Variants in CTNNA3 observed in about 807,000 individuals in gnomAD.
CTNNA3 encodes the protein catenin alpha 3.
CTNNA3 carries 76 observed loss-of-function variants against 95.7 expected under a neutral mutation model. The observed-to-expected ratio is 0.79, with a 90% confidence interval of 0.66 to 0.96. The LOEUF (loss-of-function observed/expected upper bound fraction) is 0.96. Among genes scored for constraint, CTNNA3 ranks in the 40% least tolerant of loss-of-function variants. The pLI is 0.00. For synonymous variants in CTNNA3, 431 were observed against 374.4 expected (o/e 1.15, Z -1.74); for missense variants, 1,191 against 1,089.8 (o/e 1.09, Z -1.31).
Position 66,558,628 on chromosome 10 carries a change from G to A in CTNNA3, c.1375-37855C>T, listed in dbSNP as rs141408660. Among the ~76,000 whole-genome samples, 83 of 152,198 alleles carry A rather than the reference G, an allele frequency of 5.5e-4. 1 individual carries two copies. The South Asian group carries it at 0.011, about 21-fold the overall frequency. ...ATTATTTTTCACACCTTGTGGGTGT[G>A]CACAAGTATGTTTGTGTGTACTGAT... On this transcript the variant is annotated intron_variant, in intron 10 of 17. Coordinates refer to ENST00000433211, the MANE Select transcript of CTNNA3 (RefSeq NM_013266.4).
chr10:66,064,158 G>C (rs553012271), intron 15 of CTNNA3, among the ~76,000 whole-genome samples: 21 of 152,246 alleles, frequency 1.4e-4, no homozygotes, highest in Middle Eastern at 3.4e-3. Flanking sequence ...GCGCAGGAAA[G>C]AAAAGTGCCA....
Position 67,182,155 on chromosome 10 carries a change from A to G in CTNNA3, c.844-1635T>C, listed in dbSNP as rs577356609. Among the ~76,000 whole-genome samples, 1,286 of 152,306 alleles carry G rather than the reference A, an allele frequency of 8.4e-3. 24 individuals are homozygous for G. Among genetic ancestry groups the G allele is most frequent in the African/African-American group, 0.029 (1,211 of 41,568 alleles). ...GATTCAATGCCATCCCCATCAAGCT[A>G]CCAATGACTTTCTTCACAGAATTGG... On this transcript the variant is annotated intron_variant, in intron 6 of 17. Coordinates refer to ENST00000433211, the MANE Select transcript of CTNNA3 (RefSeq NM_013266.4).
At chr10:66,699,972 T>C (rs1053212725) in intron 9 of CTNNA3, among the ~76,000 whole-genome samples, 2 of 152,168 alleles carry the variant, frequency 1.3e-5, no homozygotes, top group Non-Finnish European at 2.9e-5. Flanking sequence ...TGGTCATTTT[T>C]TTTAAATCAA....
At chr10:66,714,794 A>G (rs1259102080) in intron 9 of CTNNA3, among the ~76,000 whole-genome samples, 1 of 152,136 alleles carries the variant, frequency 6.6e-6, no homozygotes, top group Non-Finnish European at 1.5e-5. Flanking sequence ...TTGAAAACCA[A>G]GGTTCTAAAG....
chr10:66,634,036 T>C lies in CTNNA3; in HGVS notation c.1282-12252A>G, dbSNP rs1404493769. Among the ~76,000 whole-genome samples the C allele has an allele frequency of 2.0e-5, 3 of 152,172 alleles. No homozygotes were observed. The South Asian group carries it at 6.2e-4, about 32-fold the overall frequency. ...TGTGTATGCATATGGAAATGTGATATCCAAAATGATCCTCCCCAAAATGGC... is the reference window on the plus strand; with the variant it reads ...TGTGTATGCATATGGAAATGTGATACCCAAAATGATCCTCCCCAAAATGGC... On this transcript the variant is annotated intron_variant, in intron 9 of 17. Transcript: ENST00000433211.
chr10:67,703,656 CA>C (rs1256171727), intron 1 of CTNNA3, among the ~76,000 whole-genome samples: 1 of 152,156 alleles, frequency 6.6e-6, no homozygotes, highest in African/African-American at 2.4e-5. Flanking sequence ...ATGACAGACC[CA>C]CAGCCAATAT....
At chr10:66,450,730 C>T (rs187955446) in intron 11 of CTNNA3, among the ~76,000 whole-genome samples, 1 of 152,186 alleles carries the variant, frequency 6.6e-6, no homozygotes, top group East Asian at 1.9e-4. Context: ...ATTTAAAATG[C>T]TGCCTCATTT....
intron 5 of CTNNA3, among the ~76,000 whole-genome samples, chr10:67,519,370 G>C (rs1283151026): frequency 1.3e-5 from 2 of 152,086 alleles, no homozygotes; most frequent in Non-Finnish European, 2.9e-5. Context: ...TTTTCTGTTT[G>C]TTTTAAAAAA....
intron 15 of CTNNA3, among the ~76,000 whole-genome samples, chr10:66,049,874 C>T (rs1289554835): frequency 2.6e-5 from 4 of 151,978 alleles, no homozygotes; most frequent in African/African-American, 4.8e-5. Context: ...TGAAATAATA[C>T]GTACAACAAA....
intron 13 of CTNNA3, among the ~76,000 whole-genome samples, chr10:66,135,803 T>C (rs2083314225): frequency 6.6e-6 from 1 of 152,224 alleles, no homozygotes; most frequent in East Asian, 1.9e-4. Flanking sequence ...ACTGGTGTTC[T>C]GCTAAATGTT....
chr10:67,516,254 C>G (rs1466911924), intron 5 of CTNNA3, among the ~76,000 whole-genome samples: 1 of 152,132 alleles, frequency 6.6e-6, no homozygotes, highest in Non-Finnish European at 1.5e-5. Context: ...GAAAGTTAGT[C>G]CCTACCTTAT....
In CTNNA3 at chr10:67,263,274, A is replaced by T. The variant is rs1185943345; in HGVS notation, c.580-43404T>A. On this transcript the variant is annotated intron_variant, in intron 5 of 17. Coordinates refer to ENST00000433211, the MANE Select transcript of CTNNA3 (RefSeq NM_013266.4). ...TTTATAACCTGATTGAATTGCAGTG[A>T]TTTCAGACCTAGTACTATTGTGATC... Among the ~76,000 whole-genome samples the T allele has an allele frequency of 2.6e-5, 4 of 152,184 alleles. No homozygotes were observed. The East Asian group carries it at 7.7e-4, about 29-fold the overall frequency.
At chr10:66,291,109 C>T (rs2091673956) in intron 12 of CTNNA3, among the ~76,000 whole-genome samples, 1 of 152,094 alleles carries the variant, frequency 6.6e-6, no homozygotes, top group South Asian at 2.1e-4. Context: ...TAGTGATTTA[C>T]ACGTGTGAAA....
intron 7 of CTNNA3, among the ~76,000 whole-genome samples, chr10:66,951,493 G>A (rs372236281): frequency 3.3e-5 from 5 of 152,072 alleles, no homozygotes; most frequent in African/African-American, 7.2e-5. Context: ...TAATTCTTAC[G>A]ACAAATCTAT....
intron 9 of CTNNA3, among the ~76,000 whole-genome samples, chr10:66,742,870 A>G (rs1029242949): frequency 1.3e-5 from 2 of 152,188 alleles, no homozygotes; most frequent in African/African-American, 4.8e-5. Flanking sequence ...GAATATTTTA[A>G]TATGTAAACA....
chr10:66,568,916 C>G (rs945889861), intron 10 of CTNNA3, among the ~76,000 whole-genome samples: 2 of 151,980 alleles, frequency 1.3e-5, no homozygotes, highest in Non-Finnish European at 2.9e-5. Flanking sequence ...TGCTTCCTAT[C>G]TCTACATCCT....
chr10:66,878,397 C>T (rs1466334234), intron 7 of CTNNA3, among the ~76,000 whole-genome samples: 2 of 152,126 alleles, frequency 1.3e-5, no homozygotes, highest in African/African-American at 2.4e-5. Flanking sequence ...ATTTCACAAG[C>T]TTCACGGTAA....
intron 11 of CTNNA3, among the ~76,000 whole-genome samples, chr10:66,432,386 C>T (rs12241195): frequency 0.12 from 17,849 of 152,072 alleles, 1,522 homozygotes; most frequent in African/African-American, 0.24. Flanking sequence ...ACGCCAGGTG[C>T]GGTGGCTCAC....
At chr10:66,623,879 A>G (rs1290227427) in intron 9 of CTNNA3, among the ~76,000 whole-genome samples, 2 of 152,150 alleles carry the variant, frequency 1.3e-5, no homozygotes, top group Non-Finnish European at 1.5e-5. Flanking sequence ...ATGTTACATC[A>G]GTGTGTGAAT....
Sources: allele counts gnomAD v4.1 joint callset (sites outside exome capture counted in the v4.1 genomes callset), GRCh38; gene constraint gnomAD v4.1.1; transcripts MANE v1.5; gene names NCBI Gene and HGNC (gene_info 2026-07-23, HGNC 2026-07-21).